FAM13B: variants seen among roughly 807,000 people sequenced by gnomAD.
FAM13B encodes the protein protein FAM13B.
Under a neutral mutation model 117.3 loss-of-function variants are expected in FAM13B, and 60 were observed. The ratio of observed to expected loss-of-function variants is 0.51; its 90% CI spans 0.42 to 0.63. The LOEUF (loss-of-function observed/expected upper bound fraction) is 0.63. Among genes scored for constraint, FAM13B ranks in the 30% least tolerant of loss-of-function variants. The pLI, the probability that FAM13B is intolerant of heterozygous loss-of-function variation, is 0.00. For synonymous variants in FAM13B, 332 were observed against 356.1 expected (o/e 0.93, Z 0.76); for missense variants, 972 against 1,091.9 (o/e 0.89, Z 1.55).
chr5:137,951,124 C>A (rs142266274), intron 17 of FAM13B, among the ~76,000 whole-genome samples: 1 of 147,212 alleles, frequency 6.8e-6, no homozygotes, highest in African/African-American at 2.5e-5. Flanking sequence ...GTGGGAGGAT[C>A]GCTTCAGCCC....
intron 18 of FAM13B, among the ~76,000 whole-genome samples, chr5:137,947,012 G>A (rs1035230889): frequency 1.3e-5 from 2 of 152,166 alleles, no homozygotes; most frequent in South Asian, 2.1e-4. Context: ...AATTAGCAGA[G>A]TAAGCAATGC....
At chr5:137,969,984 T>C (rs943986397) in intron 10 of FAM13B, among the ~76,000 whole-genome samples, 16 of 152,290 alleles carry the variant, frequency 1.1e-4, no homozygotes, top group African/African-American at 3.4e-4. Flanking sequence ...CTACGTCTGA[T>C]TGGTGTACCT....
chr5:137,966,418 C>T (rs1316022565), intron 10 of FAM13B, among the ~76,000 whole-genome samples: 8 of 138,538 alleles, frequency 5.8e-5, no homozygotes, highest in Admixed American at 3.9e-4. Flanking sequence ...GCCTGGGTGA[C>T]AGAGACTCCG....
intron 2 of FAM13B, among the ~76,000 whole-genome samples, chr5:138,019,533 A>C (rs1485160013): frequency 1.3e-5 from 2 of 152,234 alleles, no homozygotes; most frequent in African/African-American, 4.8e-5. Context: ...TGCCATATAA[A>C]GCTCATCTAA....
chr5:137,990,032 T>C (rs1392501039), intron 7 of FAM13B, among the ~76,000 whole-genome samples: 1 of 152,184 alleles, frequency 6.6e-6, no homozygotes, highest in African/African-American at 2.4e-5. Flanking sequence ...TAAATGAGGC[T>C]TTCCCTGAAG....
intron 1 of FAM13B, among the ~76,000 whole-genome samples, chr5:138,045,682 G>A (rs1329577263): frequency 6.6e-6 from 1 of 152,018 alleles, no homozygotes; most frequent in Non-Finnish European, 1.5e-5. Context: ...AAACTAGTCA[G>A]AGGTACGTAC....
chr5:137,979,999 TAAAAAAAAAAA>T (rs10709915), intron 10 of FAM13B, among the ~76,000 whole-genome samples: 1 of 95,562 alleles, frequency 1.0e-5, no homozygotes, highest in African/African-American at 4.0e-5. Flanking sequence ...CTGTCTCTAC[TAAAAAAAAAAA>T]AAAAAAAAAA....
chr5:138,003,488 G>A (rs1781776142), intron 7 of FAM13B, among the ~76,000 whole-genome samples: 1 of 152,256 alleles, frequency 6.6e-6, no homozygotes, highest in East Asian at 1.9e-4. Flanking sequence ...AAAAGGAAAT[G>A]TATAGATATT....
chr5:137,973,507 C>T (rs1203686857), intron 10 of FAM13B, among the ~76,000 whole-genome samples: 14 of 151,894 alleles, frequency 9.2e-5, no homozygotes, highest in South Asian at 2.1e-4. Context: ...ATAAAAACCC[C>T]AGAAGAAAAC....
chr5:137,945,654 T>A (rs971730452), intron 20 of FAM13B, among the ~76,000 whole-genome samples: 1 of 152,234 alleles, frequency 6.6e-6, no homozygotes, highest in Non-Finnish European at 1.5e-5. Context: ...GCTATCATAT[T>A]CTACCTGCTG....
At chr5:137,959,227 C>A (rs1050736608) in intron 13 of FAM13B, among the ~76,000 whole-genome samples, 2 of 152,148 alleles carry the variant, frequency 1.3e-5, no homozygotes, top group Non-Finnish European at 2.9e-5. Flanking sequence ...ACTGATGATA[C>A]TAAGGACAAG....
chr5:137,944,296 T>C (rs904160258), intron 20 of FAM13B, among the ~76,000 whole-genome samples: 2 of 152,156 alleles, frequency 1.3e-5, no homozygotes, highest in Non-Finnish European at 2.9e-5. Context: ...ATCCCATCAC[T>C]AGGTATATAT....
At chr5:137,945,709 T>C (rs955917619) in intron 20 of FAM13B, among the ~76,000 whole-genome samples, 193 bp downstream of exon 20, 1 of 152,242 alleles carries the variant, frequency 6.6e-6, no homozygotes, top group African/African-American at 2.4e-5. Flanking sequence ...TACATAAAAA[T>C]GCTTACACAA....
chr5:138,039,948 A>T (rs1581328341), intron 1 of FAM13B: 1 of 152,172 alleles, frequency 6.6e-6, no homozygotes, highest in Non-Finnish European at 1.5e-5. Context: ...GAAGGTGTAC[A>T]TCCCTATTTT....
chr5:137,964,964 C>T (rs1769245240), intron 10 of FAM13B, among the ~76,000 whole-genome samples: 1 of 151,250 alleles, frequency 6.6e-6, no homozygotes, highest in South Asian at 2.1e-4. Flanking sequence ...GTCAGGAGTT[C>T]AAGACCAGCC....
Position 137,949,000 on chromosome 5 carries a change from T to C in FAM13B, c.2115A>G (p.Arg705=), listed in dbSNP as rs1288975876. ...KEATLELILK[R]LKEKRIERCL... ...ACCTCTCAATACGTTTTTCTTTCAG[T>C]CTTTTAAGAATAAGTTCAAGGGTTG... The change falls in exon 18 of 24, where the codon AGA becomes AGG. Residue 705 remains arginine (R), a synonymous_variant. Transcript: ENST00000689681. 6.2e-7 allele frequency: 1 copy of C among 1,613,848 alleles called. No individual in the cohort carries two copies. Among genetic ancestry groups the C allele is most frequent in the Non-Finnish European group, 8.5e-7 (1 of 1,180,012 alleles).
Position 137,954,207 on chromosome 5 carries a change from T to C in FAM13B, c.1677A>G (p.Pro559=), listed in dbSNP as rs1197719027. ...FGQSQRFLHD[P]EKLDSSSKAL... ...CTTTAGATGAGGAATCCAACTTTTC[T>C]GGATCATGTAGGAAACGCTGGCTTT... is the stretch of plus-strand genomic sequence containing the variant. Residue 559 remains proline, a synonymous_variant, in exon 15 of 24, where the codon CCA becomes CCG. Coordinates refer to ENST00000689681, the MANE Select transcript of FAM13B (RefSeq NM_001385994.1). 8.1e-6 allele frequency: 13 copies of C among 1,614,022 alleles called. No homozygotes were observed. Among genetic ancestry groups the C allele is most frequent in the South Asian group, 1.1e-5 (1 of 91,084 alleles).
At chr5:138,036,700 A>G (rs1479704283), upstream of FAM13B, 6 of 397,408 alleles carry the variant, frequency 1.5e-5, no homozygotes, top group South Asian at 9.4e-5. Context: ...TGAAATTTCT[A>G]GAGGGGGTCT....
intron 1 of FAM13B, among the ~76,000 whole-genome samples, chr5:138,027,615 A>ATT: frequency 6.6e-6 from 1 of 152,358 alleles, no homozygotes; most frequent in Admixed American, 6.5e-5. Context: ...CCAAAGCATA[A>ATT]TTTGTCTGAC....
Sources: allele counts gnomAD v4.1 joint callset (sites outside exome capture counted in the v4.1 genomes callset), GRCh38; gene constraint gnomAD v4.1.1; transcripts MANE v1.5; gene names NCBI Gene and HGNC (gene_info 2026-07-23, HGNC 2026-07-21).